The following IQCK variants were observed in gnomAD, a reference collection of about 807,000 sequenced individuals.
IQCK encodes IQ motif containing K.
A neutral mutation model predicts 28.1 loss-of-function variants in IQCK; 29 were observed. The ratio of observed to expected loss-of-function variants is 1.03; its 90% CI spans 0.77 to 1.41. IQCK has a LOEUF of 1.41. Ranked by LOEUF, IQCK falls within the 40% of genes most tolerant of loss-of-function variation. The pLI is 0.00. For missense variants in IQCK, 359 were observed against 314.7 expected (o/e 1.14, Z -1.07); for synonymous variants, 113 against 115.1 (o/e 0.98, Z 0.12).
intron 2 of IQCK, among the ~76,000 whole-genome samples, chr16:19,733,375 A>T (rs1019020376): frequency 3.3e-5 from 5 of 152,074 alleles, no homozygotes; most frequent in East Asian, 1.9e-4. Flanking sequence ...CTGACCTCAG[A>T]TGATCCATCT....
intron 9 of IQCK, among the ~76,000 whole-genome samples, chr16:19,849,134 C>T (rs1196275198): frequency 6.6e-6 from 1 of 151,926 alleles, no homozygotes; most frequent in Non-Finnish European, 1.5e-5. Flanking sequence ...TTTCTTTTGT[C>T]TGGTATATTT....
At chr16:19,729,264 T>C (rs756390751) in intron 1 of IQCK, among the ~76,000 whole-genome samples, 4 of 152,146 alleles carry the variant, frequency 2.6e-5, no homozygotes, top group Non-Finnish European at 5.9e-5. Context: ...CCCGGCGCCA[T>C]GCCTGGCTAA....
intron 4 of IQCK, among the ~76,000 whole-genome samples, chr16:19,737,558 A>G (rs1230164378): frequency 6.6e-6 from 1 of 152,178 alleles, no homozygotes; most frequent in East Asian, 1.9e-4. Context: ...GACATTGATC[A>G]GAATTTGGGT....
At position 19,783,279 on chromosome 16, in the gene IQCK, G is replaced by A. The variant is rs2055516291; in HGVS notation, c.606-5559G>A. Reference sequence around the variant, plus strand: ...CTACCAAAGTGCTGGGATTACAGGCGGGAGCCACCGCGCCTGGCCAGCATT... The same window carrying A: ...CTACCAAAGTGCTGGGATTACAGGCAGGAGCCACCGCGCCTGGCCAGCATT... On this transcript the variant is annotated intron_variant, in intron 6 of 7. Coordinates refer to ENST00000564186, the Ensembl canonical transcript of IQCK. Among the ~76,000 whole-genome samples, 9 of 152,078 alleles carry A rather than the reference G, an allele frequency of 5.9e-5. No homozygotes were observed. In the South Asian group the frequency reaches 1.7e-3, roughly 28 times the overall value.
chr16:19,769,875 G>C (rs2055294654), intron 6 of IQCK, among the ~76,000 whole-genome samples: 1 of 152,108 alleles, frequency 6.6e-6, no homozygotes, highest in South Asian at 2.1e-4. Context: ...GGGGGTTGTG[G>C]GATGGGTAGA....
chr16:19,805,586 AGT>A (rs1480236549), intron 7 of IQCK, among the ~76,000 whole-genome samples: 1 of 152,196 alleles, frequency 6.6e-6, no homozygotes, highest in East Asian at 1.9e-4. Flanking sequence ...AATGTCAAAG[AGT>A]GTGTCAGTTA....
At chr16:19,849,178 G>A (rs529868846) in intron 9 of IQCK, among the ~76,000 whole-genome samples, 3 of 151,086 alleles carry the variant, frequency 2.0e-5, no homozygotes, top group African/African-American at 7.3e-5. Context: ...TCCCCCAGTT[G>A]TATAGCAATA....
chr16:19,767,512 T>G (rs1438790548), intron 6 of IQCK, among the ~76,000 whole-genome samples: 1 of 152,000 alleles, frequency 6.6e-6, no homozygotes, highest in Non-Finnish European at 1.5e-5. Flanking sequence ...TCCTGCCAGG[T>G]GCCTGTGCCT....
intron 3 of IQCK, 144 bp downstream of exon 3, chr16:19,733,971 T>A: frequency 8.5e-6 from 6 of 705,552 alleles, no homozygotes; most frequent in East Asian, 2.7e-5. Context: ...TTAAGAGACA[T>A]GTCCTTTATT....
At chr16:19,764,918 C>T (rs1216455951) in intron 6 of IQCK, among the ~76,000 whole-genome samples, 1 of 129,450 alleles carries the variant, frequency 7.7e-6, no homozygotes, top group African/African-American at 2.8e-5. Context: ...CCGGGATGGT[C>T]TCGATCTCCT....
chr16:19,811,490 A>G (rs1162603229), intron 7 of IQCK, among the ~76,000 whole-genome samples: 1 of 152,204 alleles, frequency 6.6e-6, no homozygotes, highest in Non-Finnish European at 1.5e-5. Context: ...CGTCTTTTCC[A>G]AATCTGTACT....
chr16:19,721,891 T>A (rs1381496321), intron 1 of IQCK, among the ~76,000 whole-genome samples: 2 of 152,200 alleles, frequency 1.3e-5, no homozygotes, highest in Non-Finnish European at 1.5e-5. Flanking sequence ...CAGTTTCCTA[T>A]TTTGATATGC....
chr16:19,845,983 G>C (rs772656229), intron 9 of IQCK, among the ~76,000 whole-genome samples: 13 of 152,102 alleles, frequency 8.5e-5, no homozygotes, highest in Non-Finnish European at 1.9e-4. Flanking sequence ...GGCTGAGGTG[G>C]GGGGGATCAC....
chr16:19,804,916 G>C (rs1209107392), intron 7 of IQCK, among the ~76,000 whole-genome samples: 1 of 152,152 alleles, frequency 6.6e-6, no homozygotes, highest in African/African-American at 2.4e-5. Flanking sequence ...CGTTGTTTAA[G>C]CGCCAGATTC....
chr16:19,765,463 G>A lies in IQCK; in HGVS notation c.605+1351G>A, dbSNP rs144041549. On this transcript the variant is annotated intron_variant, in intron 6 of 7. Transcript: ENST00000564186. ...TGAGGCAGGAGTATCGCTTGAACCC[G>A]GGTGGTAGAGGTTGCAGTGAGCCGA... Among the ~76,000 whole-genome samples, 577 of 151,878 alleles carry A rather than the reference G, an allele frequency of 3.8e-3. 8 individuals carry two copies. Among genetic ancestry groups the A allele is most frequent in the African/African-American group, 0.013 (551 of 41,422 alleles).
rs35060834 is a variant in IQCK, at chr16:19,822,067, CAA to C, written c.691-4944_691-4943del. On this transcript the variant is annotated intron_variant, in intron 7 of 7. Transcript: ENST00000564186. Reference sequence around the variant, plus strand: ...TGGGCGACAGAATGAGACCCTGTCTCAAAAAAAAAAAAAAAACAAAAAAAAAA... The same window carrying C: ...TGGGCGACAGAATGAGACCCTGTCTCAAAAAAAAAAAAAACAAAAAAAAAA... 3.0e-3 allele frequency among the ~76,000 whole-genome samples: 196 copies of C among 64,632 alleles called. 1 individual carries two copies. Among genetic ancestry groups the C allele is most frequent in the Non-Finnish European group, 5.1e-3 (157 of 31,012 alleles). The allele number at this position is 64,632 out of a possible 152,430, so 42.4% of individuals were successfully genotyped here. A position where few individuals can be genotyped will look rare whatever the true frequency, so the allele number is the denominator to read the frequency against.
intron 1 of IQCK, among the ~76,000 whole-genome samples, chr16:19,725,185 C>T (rs1977616743): frequency 1.3e-5 from 2 of 152,032 alleles, no homozygotes; most frequent in Admixed American, 6.6e-5. Flanking sequence ...ATTTAATATA[C>T]CTGATTTAAA....
intron 7 of IQCK, among the ~76,000 whole-genome samples, chr16:19,820,907 C>T (rs749862608): frequency 1.3e-5 from 2 of 152,112 alleles, no homozygotes; most frequent in Non-Finnish European, 2.9e-5. Flanking sequence ...TGGGCAAAGG[C>T]CTTGAATAGA....
downstream of IQCK, among the ~76,000 whole-genome samples, chr16:19,831,020 T>C (rs1387256109): frequency 1.3e-5 from 2 of 152,234 alleles, no homozygotes; most frequent in Non-Finnish European, 2.9e-5. Flanking sequence ...GCAGATGGTC[T>C]GAACATATTT....
Sources: allele counts gnomAD v4.1 joint callset (sites outside exome capture counted in the v4.1 genomes callset), GRCh38; gene constraint gnomAD v4.1.1; transcripts MANE v1.5; gene names NCBI Gene and HGNC (gene_info 2026-07-23, HGNC 2026-07-21).